Variants in PSG7 observed in about 807,000 individuals in gnomAD.
PSG7 encodes pregnancy-specific beta-1-glycoprotein 7.
PSG7 carries 57 observed loss-of-function variants against 45.6 expected under a neutral mutation model. The ratio of observed to expected loss-of-function variants is 1.25; its 90% confidence interval spans 1.01 to 1.56. The LOEUF (loss-of-function observed/expected upper bound fraction) is 1.56. PSG7 is among the 40% of genes most tolerant of loss of function. PSG7 has a pLI of 0.00. For missense variants in PSG7, 796 were observed against 508.4 expected, an observed-to-expected ratio of 1.57 and a Z score of -5.44; for synonymous variants, 298 against 194.4, an observed-to-expected ratio of 1.53 and a Z score of -4.43.
rs1471581562 is a variant in PSG7, at chr19:42,935,295, C to G, written c.430+109G>C. On this transcript the variant is annotated intron_variant, in intron 2 of 5. Transcript: ENST00000406070. ...TAAATGCCCAAACCCCAGCATGGGA[C>G]ATAATGCAGAGAGGGACACAGGCAC... 4 of 1,509,570 alleles carry G rather than the reference C, an allele frequency of 2.6e-6. 1 individual carries two copies. Among genetic ancestry groups the G allele is most frequent in the Non-Finnish European group, 3.6e-6 (4 of 1,101,040 alleles). The allele number at this position is 1,509,570 out of a possible 1,614,324, so 93.5% of individuals were successfully genotyped here. A position where few individuals can be genotyped will look rare whatever the true frequency, so the allele number is the denominator to read the frequency against.
chr19:42,929,016 A>G (rs1334944529), intron 3 of PSG7, among the ~76,000 whole-genome samples: 1 of 151,428 alleles, frequency 6.6e-6, no homozygotes, highest in Non-Finnish European at 1.5e-5. Context: ...GTGTATGAGG[A>G]AAAAATGGTG....
In PSG7 at chr19:42,924,670, C is replaced by T. The variant is rs1450352390; in HGVS notation, c.*138G>A. ...ACATTTTGGTGAGTTCTGAGTGGCT[C>T]AGACATCAGGTACAAGGATTTTCCC... is the stretch of plus-strand genomic sequence containing the variant. On this transcript the variant is annotated 3_prime_UTR_variant, in exon 6 of 6. Coordinates refer to ENST00000406070, the MANE Select transcript of PSG7 (RefSeq NM_002783.3). The T allele has an allele frequency of 5.3e-6, 4 of 756,004 alleles. No homozygotes were observed. Among genetic ancestry groups the T allele is most frequent in the African/African-American group, 5.1e-5 (3 of 58,388 alleles). 46.8% of individuals were successfully genotyped at this position (756,004 alleles called of 1,614,324 possible). A position where few individuals can be genotyped will look rare whatever the true frequency, so the allele number is the denominator to read the frequency against.
In PSG7 at chr19:42,929,483, A is replaced by T; in HGVS notation, c.668T>A (p.Val223Glu). 6.2e-7 allele frequency: 1 copy of T among 1,612,630 alleles called. No individual in the cohort carries two copies. Among genetic ancestry groups the T allele is most frequent in the East Asian group, 2.2e-5 (1 of 44,806 alleles). The change falls in exon 3 of 6, where the codon GTG (valine) becomes GAG (glutamate). Residue 223 changes from valine to glutamate, a missense_variant. Coordinates refer to ENST00000406070, the MANE Select transcript of PSG7 (RefSeq NM_002783.3). ...GACTGGGTCACTGCGGCTGGCACTC[A>T]CTGGGTTCCGTATTTCACATTCATA... is the stretch of plus-strand genomic sequence containing the variant. Reference protein sequence around the residue: ...GPYECEIRNPVSASRSDPVTL... With the variant: ...GPYECEIRNPESASRSDPVTL...
rs1313670455 is a variant in PSG7, at chr19:42,929,327, A to G, written c.709+115T>C. The G allele has an allele frequency of 1.9e-6, 3 of 1,589,564 alleles. No homozygotes were observed. The Admixed American group carries it at 5.2e-5, about 27-fold the overall frequency. On this transcript the variant is annotated intron_variant, in intron 3 of 5. Coordinates refer to ENST00000406070, the MANE Select transcript of PSG7 (RefSeq NM_002783.3). ...GGGCAGGAAGTCACCACCAGCTTTGATGTCCAGGGGTAAAGGTCTACATAC... is the reference window on the plus strand; with the variant it reads ...GGGCAGGAAGTCACCACCAGCTTTGGTGTCCAGGGGTAAAGGTCTACATAC...
At chr19:42,930,019 C>T (rs568627971) in intron 2 of PSG7, among the ~76,000 whole-genome samples, 15 of 151,744 alleles carry the variant, frequency 9.9e-5, no homozygotes, top group Middle Eastern at 3.4e-3. Context: ...TGAGTCCCTC[C>T]ATCTCCAACT....
chr19:42,932,337 G>A lies in PSG7; in HGVS notation c.431-2617C>T, dbSNP rs532626403. On this transcript the variant is annotated intron_variant, in intron 2 of 5. Transcript: ENST00000406070. ...CCAGCCATCTCTGAGGGATTTTAAC[G>A]AGTTGTTGACTTTTGAGTTTGTTCA... Among the ~76,000 whole-genome samples the A allele has an allele frequency of 7.3e-5, 11 of 151,580 alleles. No individual in the cohort carries two copies. The East Asian group carries it at 1.7e-3, about 24-fold the overall frequency.
Position 42,924,566 on chromosome 19 carries a change from G to C in PSG7, c.*242C>G, listed in dbSNP as rs1343535915. 3 of 605,640 alleles carry C rather than the reference G, an allele frequency of 5.0e-6. No individual in the cohort carries two copies. The East Asian group carries it at 8.2e-5, about 17-fold the overall frequency. The allele number at this position is 605,640 out of a possible 1,614,324, so 37.5% of individuals were successfully genotyped here. ...ATGGGGAGTCTTATTCTGACATCTT[G>C]GGAAAAGCTGTCCACAGTGTGAAGT... On this transcript the variant is annotated 3_prime_UTR_variant, in exon 6 of 6. Transcript: ENST00000406070.
chr19:42,935,782 G>A lies in PSG7; in HGVS notation c.65-13C>T, dbSNP rs376314337. On this transcript the variant is annotated splice_polypyrimidine_tract_variant and intron_variant, in intron 1 of 5. Transcript: ENST00000406070. ...TTTAAAAGTGATGCTAGGAGGTGGA[G>A]AGAGCATCAGTCAATATTGAGACCT... The A allele has an allele frequency of 6.9e-6, 11 of 1,603,194 alleles. 2 individuals are homozygous for A. Among genetic ancestry groups the A allele is most frequent in the Non-Finnish European group, 8.5e-6 (10 of 1,174,992 alleles).
intron 3 of PSG7, chr19:42,927,571 T>C (rs559699078): frequency 6.6e-6 from 1 of 151,666 alleles, no homozygotes; most frequent in East Asian, 1.9e-4. Flanking sequence ...GGGAATGAAC[T>C]GCTGGAAATC....
At position 42,926,547 on chromosome 19, in the gene PSG7, C is replaced by T. The variant is rs757626513; in HGVS notation, c.879G>A (p.Arg293=). 1.9e-6 allele frequency: 3 copies of T among 1,610,566 alleles called. No homozygotes were observed. In the South Asian group the frequency reaches 3.3e-5, roughly 18 times the overall value. ...SPRVKRRIEN[R]ILILPSVTRN... The stretch of plus-strand genomic sequence containing the variant: ...TCGTGACACTGGGTAGAATGAGGAT[C>T]CTGTTTTCAATGCGTCGCTTTACCC... Residue 293 remains arginine (R), a synonymous_variant, in exon 4 of 6, where the codon AGG becomes AGA. Transcript: ENST00000406070.
At chr19:42,930,290 G>T (rs1015313783) in intron 2 of PSG7, among the ~76,000 whole-genome samples, 3 of 151,606 alleles carry the variant, frequency 2.0e-5, no homozygotes, top group Admixed American at 6.6e-5. Context: ...TCATCAGGCA[G>T]TGCAGCCACA....
At chr19:42,929,278 C>T in intron 3 of PSG7, 164 bp downstream of exon 3, 3 of 1,488,020 alleles carry the variant, frequency 2.0e-6, no homozygotes, top group African/African-American at 1.4e-5. Flanking sequence ...GTGGATCAAG[C>T]CTAGGCCTAC....
chr19:42,933,266 A>ATATATATATAT lies in PSG7; in HGVS notation c.430+2137_430+2138insATATATATATA, dbSNP rs1973060126. On this transcript the variant is annotated intron_variant, in intron 2 of 5. Coordinates refer to ENST00000406070, the MANE Select transcript of PSG7 (RefSeq NM_002783.3). ...ATTCTTTACTACAAATCACCATTTC[A>ATATATATATAT]ATATATATATATATATATATATATA... Among the ~76,000 whole-genome samples the ATATATATATAT allele has an allele frequency of 1.8e-3, 28 of 15,736 alleles. 1 individual carries two copies. The highest frequency in any genetic ancestry group is 3.8e-3 in the South Asian group (1 of 266). The allele number at this position is 15,736 out of a possible 152,430, so 10.3% of individuals were successfully genotyped here.
Position 42,935,712 on chromosome 19 carries a change from T to C in PSG7, c.122A>G (p.Gln41Arg). The C allele has an allele frequency of 6.2e-6, 10 of 1,611,962 alleles. No individual in the cohort carries two copies. Among genetic ancestry groups the C allele is most frequent in the Non-Finnish European group, 8.5e-6 (10 of 1,179,036 alleles). Residue 41 changes from glutamine (Q) to arginine (R), a missense_variant, in exon 2 of 6, where the codon CAG (glutamine) becomes CGG (arginine). Transcript: ENST00000406070. The part of the protein sequence containing the change: ...PTTAQVTIEA[Q>R]PPKVSEGKDV... ...CTTCCCCTCGGAAACTTTTGGTGGC[T>C]GGGCTTCAATCGTGACTTGGGCTGT... is the stretch of plus-strand genomic sequence containing the variant.
chr19:42,934,637 C>T (rs531466885), intron 2 of PSG7, among the ~76,000 whole-genome samples: 9 of 151,810 alleles, frequency 5.9e-5, no homozygotes, highest in East Asian at 1.9e-4. Flanking sequence ...TATTAATTTG[C>T]TTCCATGAGA....
chr19:42,927,050 A>T (rs931006160), intron 3 of PSG7: 3 of 383,058 alleles, frequency 7.8e-6, no homozygotes, highest in Non-Finnish European at 9.3e-6. Flanking sequence ...CCCTGGGTTC[A>T]TTACCTGGAA....
At chr19:42,928,469 T>G (rs1972943316) in intron 3 of PSG7, among the ~76,000 whole-genome samples, 1 of 151,664 alleles carries the variant, frequency 6.6e-6, no homozygotes, top group Non-Finnish European at 1.5e-5. Context: ...TCAGGAAGGT[T>G]TGTAGTTTTC....
intron 5 of PSG7, 33 bp from the exon 6 acceptor site, chr19:42,924,857 A>G: frequency 1.3e-6 from 1 of 764,204 alleles, no homozygotes; most frequent in South Asian, 1.4e-5. Context: ...AGAAACAATG[A>G]ACAGAGCTGC....
At chr19:42,935,130 G>T (rs1046035241) in intron 2 of PSG7, among the ~76,000 whole-genome samples, 2 of 151,860 alleles carry the variant, frequency 1.3e-5, no homozygotes, top group Non-Finnish European at 2.9e-5. Context: ...AGGGCATGAG[G>T]TGCTTGGCTG....
Sources: gnomAD v4.1 joint callset for allele counts (sites outside exome capture counted in the v4.1 genomes callset) on GRCh38, gnomAD v4.1.1 for gene constraint, MANE v1.5 for transcripts, NCBI Gene and HGNC (gene_info 2026-07-23, HGNC 2026-07-21) for gene names.